The following UBE2N variants were observed in gnomAD, a reference collection of about 807,000 sequenced individuals.
UBE2N encodes the protein ubiquitin-conjugating enzyme E2 N.
For missense variants in UBE2N, 60 were observed against 192.1 expected, an observed-to-expected ratio of 0.31 and a Z score of 4.07; for synonymous variants, 70 against 69.2, an observed-to-expected ratio of 1.01 and a Z score of -0.06.
At chr12:93,413,034 T>C (rs576126106) in intron 1 of UBE2N, among the ~76,000 whole-genome samples, 2 of 152,366 alleles carry the variant, frequency 1.3e-5, no homozygotes, top group South Asian at 4.1e-4. Context: ...ACCTCTACTT[T>C]GCTTGTCTCC....
chr12:93,417,690 T>A (rs1413406477), intron 1 of UBE2N, among the ~76,000 whole-genome samples: 1 of 152,196 alleles, frequency 6.6e-6, no homozygotes, highest in Non-Finnish European at 1.5e-5. Context: ...TAACTGCCAA[T>A]TTCATTACTG....
At chr12:93,413,184 C>T (rs1201730714) in intron 1 of UBE2N, among the ~76,000 whole-genome samples, 2 of 152,164 alleles carry the variant, frequency 1.3e-5, no homozygotes, top group Admixed American at 1.3e-4. Flanking sequence ...TACCTAAATG[C>T]GACATCTTAT....
chr12:93,409,523 A>C lies in UBE2N; in HGVS notation c.*516T>G, dbSNP rs1209223282. 1 of 167,176 alleles carries C rather than the reference A, an allele frequency of 6.0e-6. No homozygotes were observed. The highest frequency in any genetic ancestry group is 1.5e-5 in the Non-Finnish European group (1 of 68,212). The allele number at this position is 167,176 out of a possible 1,614,324, so 10.4% of individuals were successfully genotyped here. A position where few individuals can be genotyped will look rare whatever the true frequency, so the allele number is the denominator to read the frequency against. ...TTAATGTTCCCATTTTGGTTCCAAC[A>C]ATCAAGCTTGTCCATCTACAGCGTC... On this transcript the variant is annotated 3_prime_UTR_variant, in exon 4 of 4. Transcript: ENST00000318066.
chr12:93,432,933 G>GTTTTTTTTTT (rs71071735), intron 1 of UBE2N, among the ~76,000 whole-genome samples: 1 of 132,656 alleles, frequency 7.5e-6, no homozygotes, highest in Non-Finnish European at 1.6e-5. Context: ...CTTCATTCAG[G>GTTTTTTTTTT]TTTTTTTTTT....
At chr12:93,418,777 T>C (rs1878302746) in intron 1 of UBE2N, among the ~76,000 whole-genome samples, 1 of 152,222 alleles carries the variant, frequency 6.6e-6, no homozygotes. Context: ...ATATATTTTA[T>C]CTAAAAATGT....
At chr12:93,429,269 C>CAA (rs748950148) in intron 1 of UBE2N, 300 of 296,992 alleles carry the variant, frequency 1.0e-3, no homozygotes, top group East Asian at 1.5e-3. Context: ...GACTCTGTCT[C>CAA]AAAAAAAAAA....
intron 1 of UBE2N, among the ~76,000 whole-genome samples, chr12:93,440,560 C>T (rs1367918891): frequency 6.6e-6 from 1 of 152,158 alleles, no homozygotes; most frequent in African/African-American, 2.4e-5. Flanking sequence ...AGTACATCAT[C>T]CTCGAAGCCT....
intron 1 of UBE2N, among the ~76,000 whole-genome samples, chr12:93,430,425 C>A (rs1327909193): frequency 1.3e-5 from 2 of 152,076 alleles, no homozygotes; most frequent in African/African-American, 4.8e-5. Context: ...GAAAGAGCAG[C>A]AAAGAGTCCC....
rs1275124090 is a variant in UBE2N, at chr12:93,408,239, AGCT to A, written c.*1797_*1799del. ...CAGCCCAAGAATTGTTATAAATGAC[AGCT>A]GCTATCAGTTTTCAAATTTTACAAT... On this transcript the variant is annotated 3_prime_UTR_variant, in exon 4 of 4. Coordinates refer to ENST00000318066, the MANE Select transcript of UBE2N (RefSeq NM_003348.4). The A allele has an allele frequency of 3.3e-5, 5 of 152,248 alleles. No individual in the cohort carries two copies. Among genetic ancestry groups the A allele is most frequent in the African/African-American group, 7.2e-5 (3 of 41,470 alleles). 9.4% of individuals were successfully genotyped at this position (152,248 alleles called of 1,614,324 possible).
At chr12:93,429,938 G>A (rs1878708519) in intron 1 of UBE2N, among the ~76,000 whole-genome samples, 1 of 152,108 alleles carries the variant, frequency 6.6e-6, no homozygotes, top group Admixed American at 6.6e-5. Flanking sequence ...AGTAAGCCAA[G>A]GCTTATTATT....
intron 1 of UBE2N, among the ~76,000 whole-genome samples, chr12:93,422,686 G>C (rs1356976487): frequency 6.6e-6 from 1 of 151,828 alleles, no homozygotes; most frequent in Non-Finnish European, 1.5e-5. Context: ...TTTTTTCTTT[G>C]ATCCAGCTTT....
At chr12:93,410,191 C>T in intron 3 of UBE2N, 112 bp from the exon 4 acceptor site, 1 of 1,065,920 alleles carries the variant, frequency 9.4e-7, no homozygotes, top group Non-Finnish European at 1.4e-6. Context: ...ATGCTGTAAT[C>T]TGTTAAATTC....
chr12:93,424,902 G>A (rs555927751), intron 1 of UBE2N, among the ~76,000 whole-genome samples: 1 of 152,188 alleles, frequency 6.6e-6, no homozygotes, highest in Non-Finnish European at 1.5e-5. Flanking sequence ...TCACTTCAGA[G>A]AGTTATATTT....
At position 93,430,442 on chromosome 12, in the gene UBE2N, C is replaced by A. The variant is rs138150449; in HGVS notation, c.30+11413G>T. 1.6e-4 allele frequency among the ~76,000 whole-genome samples: 25 copies of A among 152,194 alleles called. No individual in the cohort carries two copies. In the East Asian group the frequency reaches 4.8e-3, roughly 29 times the overall value. On this transcript the variant is annotated intron_variant, in intron 1 of 3. Transcript: ENST00000318066. ...AAGAGCAGCAAAGAGTCCCTTCTCA[C>A]CAGAACCACAAAATTCCTCAAATCC...
intron 1 of UBE2N, among the ~76,000 whole-genome samples, chr12:93,432,404 C>G (rs932681035): frequency 1.3e-5 from 2 of 151,362 alleles, no homozygotes; most frequent in Non-Finnish European, 2.9e-5. Flanking sequence ...GCCTTGGGAT[C>G]GGCCTATGTT....
Position 93,441,904 on chromosome 12 carries a change from G to T in UBE2N, c.-20C>A, listed in dbSNP as rs779751450. On this transcript the variant is annotated 5_prime_UTR_variant, in exon 1 of 4. Transcript: ENST00000318066. ...GGCCATCTTGTCAGAACCCGAGTTC[G>T]GCCTCTGGTCTCGTCTCCGGCTCCT... 6.4e-7 allele frequency: 1 copy of T among 1,573,444 alleles called. No homozygotes were observed. Among genetic ancestry groups the T allele is most frequent in the Non-Finnish European group, 8.6e-7 (1 of 1,162,430 alleles).
intron 1 of UBE2N, among the ~76,000 whole-genome samples, chr12:93,411,773 G>C (rs948105471): frequency 2.0e-5 from 3 of 152,078 alleles, no homozygotes; most frequent in African/African-American, 7.2e-5. Flanking sequence ...GCTCACTGCA[G>C]CCTCGACCTC....
Position 93,410,822 on chromosome 12 carries a change from G to A in UBE2N, c.330C>T (p.Ala110=). 1 of 1,614,142 alleles carries A rather than the reference G, an allele frequency of 6.2e-7. No individual in the cohort carries two copies. Among genetic ancestry groups the A allele is most frequent in the East Asian group, 2.2e-5 (1 of 44,882 alleles). ...CATCTGGATTGGGAGCACTTAACAA[G>A]GCCTGGATCGATAGCAGAACTGTGC... is the stretch of plus-strand genomic sequence containing the variant. ...QIRTVLLSIQ[A]LLSAPNPDDP... is the part of the protein sequence containing the mutation. Residue 110 remains alanine, a synonymous_variant, in exon 3 of 4, where the codon GCC becomes GCT. Coordinates refer to ENST00000318066, the MANE Select transcript of UBE2N (RefSeq NM_003348.4).
chr12:93,432,738 T>C (rs1488033129), intron 1 of UBE2N, among the ~76,000 whole-genome samples: 1 of 151,954 alleles, frequency 6.6e-6, no homozygotes, highest in African/African-American at 2.4e-5. Context: ...AAAAAAAAAT[T>C]GAAAATCTAA....
Sources: allele counts gnomAD v4.1 joint callset (sites outside exome capture counted in the v4.1 genomes callset), GRCh38; gene constraint gnomAD v4.1.1; transcripts MANE v1.5; gene names NCBI Gene and HGNC (gene_info 2026-07-23, HGNC 2026-07-21).